The following ERC1 variants were observed in gnomAD, a reference collection of about 807,000 sequenced individuals.
ERC1 encodes ELKS/RAB6-interacting/CAST family member 1.
A neutral mutation model predicts 132.0 loss-of-function variants in ERC1; 56 were observed. The observed-to-expected ratio is 0.42, with a 90% CI of 0.34 to 0.53. The LOEUF is 0.53. Ranked by LOEUF, ERC1 falls within the 20% of genes least tolerant of loss-of-function variation. The probability of loss-of-function intolerance (pLI) is 0.03; values close to 1 mark genes in which losing one functional copy is unlikely to be tolerated. For missense variants in ERC1, 1,202 were observed against 1,349.9 expected (o/e 0.89, Z 1.72); for synonymous variants, 478 against 476.1 (o/e 1.00, Z -0.05).
chr12:1,390,614 A>G (rs2089873770), intron 16 of ERC1: 1 of 152,234 alleles, frequency 6.6e-6, no homozygotes, highest in Non-Finnish European at 1.5e-5. Context: ...TAGGATGCCC[A>G]AAGGTACTGT....
chr12:1,399,829 A>G (rs892842586), intron 16 of ERC1, among the ~76,000 whole-genome samples: 6 of 152,244 alleles, frequency 3.9e-5, no homozygotes, highest in Admixed American at 3.3e-4. Flanking sequence ...TGACTATAAT[A>G]AATAATGATG....
intron 15 of ERC1, among the ~76,000 whole-genome samples, chr12:1,354,322 G>C (rs914483228): frequency 3.3e-5 from 5 of 151,952 alleles, no homozygotes; most frequent in African/African-American, 1.2e-4. Context: ...TCAGGAGTTC[G>C]AGACCAGCCT....
chr12:1,332,185 A>G (rs1329646594), intron 15 of ERC1, among the ~76,000 whole-genome samples: 1 of 152,016 alleles, frequency 6.6e-6, no homozygotes, highest in Non-Finnish European at 1.5e-5. Context: ...AATATCCTTG[A>G]CTTTATCTTA....
rs7295516 is a variant in ERC1 at position 1,480,738 on chromosome 12, G to C, written c.3214-9355G>C. 1,195 of 675,492 alleles carry C rather than the reference G, an allele frequency of 1.8e-3. 14 individuals carry two copies. In the African/African-American group the frequency reaches 0.019, roughly 11 times the overall value. The allele number at this position is 675,492 out of a possible 1,614,324, so 41.8% of individuals were successfully genotyped here. ...GGAAGATAAGCAGGTGTGGGAGGGGGTGTGGGTAGTGGGCAGGGGGTTGAA... is the reference window on the plus strand; with the variant it reads ...GGAAGATAAGCAGGTGTGGGAGGGGCTGTGGGTAGTGGGCAGGGGGTTGAA... On this transcript the variant is annotated intron_variant, in intron 18 of 18. Transcript: ENST00000360905.
At chr12:1,185,747 A>G (rs1479436471) in intron 11 of ERC1, among the ~76,000 whole-genome samples, 1 of 136,448 alleles carries the variant, frequency 7.3e-6, no homozygotes, top group Non-Finnish European at 1.6e-5. Context: ...TTTTTTTTTT[A>G]ATTTATATTG....
chr12:1,152,641 G>C (rs1355171342), intron 8 of ERC1: 1 of 152,736 alleles, frequency 6.5e-6, no homozygotes, highest in African/African-American at 2.4e-5. Flanking sequence ...GATACAATTT[G>C]AGATGGCCCA....
In ERC1 at chr12:1,028,055, G is replaced by C; in HGVS notation, c.152G>C (p.Gly51Ala). The change falls in exon 2 of 19, where the codon GGG becomes GCG. Residue 51 changes from glycine (G) to alanine (A), a missense_variant. Transcript: ENST00000360905. ...SSGSSVGGGSGKTLSMENIQS... is the reference protein window; with the variant it reads ...SSGSSVGGGSAKTLSMENIQS... ...GGAAGCAGTGTTGGAGGTGGCAGTGGGAAAACCCTTTCAATGGAAAATATA... is the reference window on the plus strand; with the variant it reads ...GGAAGCAGTGTTGGAGGTGGCAGTGCGAAAACCCTTTCAATGGAAAATATA... 6.2e-7 allele frequency: 1 copy of C among 1,614,116 alleles called. No individual in the cohort carries two copies. The highest frequency in any genetic ancestry group is 8.5e-7 in the Non-Finnish European group (1 of 1,180,024).
intron 14 of ERC1, among the ~76,000 whole-genome samples, chr12:1,281,899 G>C (rs1247396913): frequency 6.6e-6 from 1 of 152,016 alleles, no homozygotes; most frequent in Non-Finnish European, 1.5e-5. Context: ...AGATACTGAG[G>C]GTCATAGCAG....
chr12:1,290,102 C>G, intron 15 of ERC1, 90 bp downstream of exon 15: 3 of 1,111,870 alleles, frequency 2.7e-6, no homozygotes, highest in Non-Finnish European at 3.9e-6. Context: ...TGTTTTACCC[C>G]AATACACTTA....
Position 1,115,850 on chromosome 12 carries a change from T to C in ERC1, c.1402-16T>C. ...TTTATTTCTTTTTTCCTTAAAGTGT[T>C]TTACTTCTTTTCTAGATTGGCCAGG... On this transcript the variant is annotated splice_polypyrimidine_tract_variant and intron_variant, in intron 6 of 18. Coordinates refer to ENST00000360905, the MANE Select transcript of ERC1 (RefSeq NM_178040.4). The C allele has an allele frequency of 6.2e-7, 1 of 1,609,354 alleles. No individual in the cohort carries two copies. Among genetic ancestry groups the C allele is most frequent in the East Asian group, 2.2e-5 (1 of 44,794 alleles).
intron 2 of ERC1, among the ~76,000 whole-genome samples, chr12:1,054,316 T>C (rs1156945647): frequency 6.6e-6 from 1 of 152,180 alleles, no homozygotes; most frequent in African/African-American, 2.4e-5. Flanking sequence ...CTGGGTATAT[T>C]ATGTAGTATG....
chr12:1,424,805 A>C (rs952594697), intron 17 of ERC1, among the ~76,000 whole-genome samples: 1 of 82,630 alleles, frequency 1.2e-5, no homozygotes, highest in African/African-American at 3.9e-5. Flanking sequence ...ATAGATAGAT[A>C]GATAGATAGA....
rs1466768955 is a variant in ERC1, at chr12:1,014,331, A to G, written c.-156-13417A>G. Among the ~76,000 whole-genome samples, 9 of 152,072 alleles carry G rather than the reference A, an allele frequency of 5.9e-5. No individual in the cohort carries two copies. In the East Asian group the frequency reaches 9.7e-4, roughly 16 times the overall value. On this transcript the variant is annotated intron_variant, in intron 1 of 18. Transcript: ENST00000360905. ...GCTGAGATCATAGGCGTGTGCCATC[A>G]TGCCTGGCTAATGTTGGTATTTTTG...
Position 1,491,868 on chromosome 12 carries a change from A to G in ERC1, c.*1638A>G, listed in dbSNP as rs1439038769. The stretch of plus-strand genomic sequence containing the variant: ...TTAGGCAGGAACTTAACCCAAATCT[A>G]GTTCTTTGACCACCTCTACCACCAG... On this transcript the variant is annotated 3_prime_UTR_variant, in exon 19 of 19. Coordinates refer to ENST00000360905, the MANE Select transcript of ERC1 (RefSeq NM_178040.4). 1.3e-5 allele frequency: 3 copies of G among 232,610 alleles called. No individual in the cohort carries two copies. Among genetic ancestry groups the G allele is most frequent in the South Asian group, 1.8e-4 (1 of 5,514 alleles). The allele number at this position is 232,610 out of a possible 1,614,324, so 14.4% of individuals were successfully genotyped here.
At chr12:1,400,997 G>A (rs938771781) in intron 16 of ERC1, among the ~76,000 whole-genome samples, 10 of 123,832 alleles carry the variant, frequency 8.1e-5, no homozygotes, top group South Asian at 2.7e-4. Flanking sequence ...GTGCAGTGGC[G>A]TGATCTGGGC....
intron 16 of ERC1, among the ~76,000 whole-genome samples, chr12:1,400,906 CTATTTTTG>C (rs1566774672): frequency 0.012 from 624 of 52,930 alleles, 132 homozygotes; most frequent in Non-Finnish European, 0.015. Flanking sequence ...ATTGTTTTGG[CTATTTTTG>C]TATTTTTTTT....
At chr12:1,313,109 TTC>T (rs546564780) in intron 15 of ERC1, among the ~76,000 whole-genome samples, 37 of 152,254 alleles carry the variant, frequency 2.4e-4, no homozygotes, top group African/African-American at 8.4e-4. Flanking sequence ...TCTGGGCTCT[TTC>T]TTTTCCGCTA....
At chr12:991,095 C>G (rs1303858167), upstream of ERC1, 1 of 151,360 alleles carries the variant, frequency 6.6e-6, no homozygotes, top group Admixed American at 6.6e-5. Flanking sequence ...GCCGCCGCGT[C>G]ACGCTCCCGG....
chr12:1,203,214 C>G (rs1284662451), intron 12 of ERC1, among the ~76,000 whole-genome samples: 1 of 152,172 alleles, frequency 6.6e-6, no homozygotes, highest in African/African-American at 2.4e-5. Flanking sequence ...TGTGCCACCA[C>G]GCCTGGCTAA....
Sources: allele counts gnomAD v4.1 joint callset (sites outside exome capture counted in the v4.1 genomes callset), GRCh38; gene constraint gnomAD v4.1.1; transcripts MANE v1.5; gene names NCBI Gene and HGNC (gene_info 2026-07-23, HGNC 2026-07-21).